Variants in RASGRF2 observed in about 807,000 individuals in gnomAD.
The protein encoded by RASGRF2 is Ras protein specific guanine nucleotide releasing factor 2.
RASGRF2 carries 76 observed loss-of-function variants against 151.0 expected under a neutral mutation model. The observed-to-expected ratio is 0.50, with a 90% CI of 0.42 to 0.61. RASGRF2 has a LOEUF of 0.61. Among genes scored for constraint, RASGRF2 ranks in the 20% least tolerant of loss-of-function variants. The pLI, the probability that RASGRF2 is intolerant of heterozygous loss-of-function variation, is 0.00. For missense variants in RASGRF2, 1,148 were observed against 1,564.6 expected (o/e 0.73, Z 4.49); for synonymous variants, 504 against 566.5 (o/e 0.89, Z 1.57).
intron 9 of RASGRF2, chr5:81,088,351 G>A (rs1340026657): frequency 6.6e-6 from 1 of 152,338 alleles, no homozygotes; most frequent in East Asian, 1.9e-4. Context: ...CTCTCCTCCA[G>A]TTAGAATGGA....
In RASGRF2 at chr5:81,217,366, C is replaced by T; in HGVS notation, c.3445C>T (p.Pro1149Ser). The change falls in exon 25 of 27, where the codon CCT becomes TCT. Residue 1149 changes from proline to serine, a missense_variant. Transcript: ENST00000265080. ...LRETLKNCNP[P>S]AVPYLGMYLT... ...CTCTTGGTCTTGCAGTTGTAACCCTCCTGCAGTTCCTTATCTTGGGATGTA... is the reference window on the plus strand; with the variant it reads ...CTCTTGGTCTTGCAGTTGTAACCCTTCTGCAGTTCCTTATCTTGGGATGTA... 2 of 1,608,420 alleles carry T rather than the reference C, an allele frequency of 1.2e-6. No homozygotes were observed. The highest frequency in any genetic ancestry group is 1.7e-6 in the Non-Finnish European group (2 of 1,178,164).
chr5:80,960,805 G>A lies in RASGRF2; in HGVS notation c.67G>A (p.Gly23Ser). Residue 23 changes from glycine to serine, a missense_variant, in exon 1 of 27, where the codon GGC becomes AGC. By Grantham distance (56) the Gly-to-Ser change is moderately conservative. Around this residue, in one of 5 missense-constraint regions of RASGRF2, gnomAD observed 221 missense variants for 271.3 expected, o/e 0.81. Coordinates refer to ENST00000265080, the MANE Select transcript of RASGRF2 (RefSeq NM_006909.3). The surrounding 1 kb of genome is among the most constrained non-coding windows in gnomAD (Gnocchi z 5.5). The part of the protein sequence containing the change: ...LYLAFLARKE[G>S]TKRGFLSKKT... ...CCTGGCCTTTCTGGCGCGCAAGGAG[G>A]GCACCAAGCGCGGCTTCCTGAGTAA... 6.2e-7 allele frequency: 1 copy of A among 1,613,488 alleles called. No individual in the cohort carries two copies. The highest frequency in any genetic ancestry group is 1.1e-5 in the South Asian group (1 of 91,026).
At chr5:81,034,804 T>TGGGGGGGGG (rs3991135) in intron 1 of RASGRF2, among the ~76,000 whole-genome samples, 1 of 89,298 alleles carries the variant, frequency 1.1e-5, no homozygotes, top group African/African-American at 4.6e-5. Context: ...TGTTGTGGGG[T>TGGGGGGGGG]GGGAGGGGGG....
At chr5:81,132,157 A>G (rs2112582344) in intron 17 of RASGRF2, among the ~76,000 whole-genome samples, 1 of 152,188 alleles carries the variant, frequency 6.6e-6, no homozygotes, top group Non-Finnish European at 1.5e-5. Flanking sequence ...TGTAAGATCG[A>G]CGAGGGCAGA....
chr5:81,198,121 A>AT (rs35550776), intron 18 of RASGRF2, among the ~76,000 whole-genome samples: 22,845 of 149,636 alleles, frequency 0.15, 1,801 homozygotes, highest in Middle Eastern at 0.18. Context: ...AAAACCTGTT[A>AT]TTTTTTTTTT....
At chr5:81,008,938 T>A (rs977768118) in intron 1 of RASGRF2, among the ~76,000 whole-genome samples, 4 of 152,264 alleles carry the variant, frequency 2.6e-5, no homozygotes, top group Non-Finnish European at 4.4e-5. Context: ...GTTGATTGTC[T>A]CAGCAAGTAG....
chr5:81,094,418 G>T (rs371404989), intron 11 of RASGRF2, 56 bp downstream of exon 11: 26 of 1,507,524 alleles, frequency 1.7e-5, no homozygotes, highest in African/African-American at 1.1e-4. Flanking sequence ...GGAGAGAGAG[G>T]CTGAGGATAA....
chr5:81,121,094 T>G (rs1753295664), intron 15 of RASGRF2, among the ~76,000 whole-genome samples: 1 of 151,210 alleles, frequency 6.6e-6, no homozygotes, highest in Admixed American at 6.6e-5. Flanking sequence ...AGTCTGAAAG[T>G]TGTGTGTGTG....
intron 26 of RASGRF2, among the ~76,000 whole-genome samples, chr5:81,220,362 G>C (rs1260932405): frequency 1.3e-5 from 2 of 152,076 alleles, no homozygotes; most frequent in African/African-American, 4.8e-5. Context: ...AATAGTTTTA[G>C]CTTCACAGAA....
At chr5:81,151,385 CTTTT>C (rs34158947) in intron 17 of RASGRF2, among the ~76,000 whole-genome samples, 1 of 134,674 alleles carries the variant, frequency 7.4e-6, no homozygotes, top group Non-Finnish European at 1.6e-5. Context: ...AAACTGGTAC[CTTTT>C]TTTTTTTTTT....
At chr5:81,154,245 G>A (rs2112625721) in intron 17 of RASGRF2, among the ~76,000 whole-genome samples, 1 of 152,286 alleles carries the variant, frequency 6.6e-6, no homozygotes, top group African/African-American at 2.4e-5. Flanking sequence ...TCCATCTGAT[G>A]AAAGTGTATA....
Position 81,219,845 on chromosome 5 carries a change from C to G in RASGRF2, c.3621+67C>G, listed in dbSNP as rs371749119. On this transcript the variant is annotated intron_variant, in intron 26 of 26. Coordinates refer to ENST00000265080, the MANE Select transcript of RASGRF2 (RefSeq NM_006909.3). ...GGGAAATTAATGAATTAGAAAACAA[C>G]AGTAAAAGTTGATCCAAAATACCAA... 3.7e-5 allele frequency: 48 copies of G among 1,293,926 alleles called. No individual in the cohort carries two copies. In the African/African-American group the frequency reaches 7.2e-4, roughly 19 times the overall value. 80.2% of individuals were successfully genotyped at this position (1,293,926 alleles called of 1,614,324 possible). A position where few individuals can be genotyped will look rare whatever the true frequency, so the allele number is the denominator to read the frequency against.
intron 5 of RASGRF2, among the ~76,000 whole-genome samples, chr5:81,076,605 G>A (rs1247524945): frequency 2.0e-5 from 3 of 150,718 alleles, no homozygotes; most frequent in East Asian, 2.0e-4. Flanking sequence ...GGGAAGTGTC[G>A]GAGTTGGAGA....
At chr5:81,149,302 A>G (rs1205309500) in intron 17 of RASGRF2, among the ~76,000 whole-genome samples, 1 of 152,252 alleles carries the variant, frequency 6.6e-6, no homozygotes, top group Non-Finnish European at 1.5e-5. Context: ...TATGCATAAA[A>G]CAGAAGACAA....
At chr5:81,111,866 G>A (rs1399437328) in intron 13 of RASGRF2, among the ~76,000 whole-genome samples, 1 of 152,174 alleles carries the variant, frequency 6.6e-6, no homozygotes, top group Non-Finnish European at 1.5e-5. Context: ...TAAAAGTCAG[G>A]AGAAAGAAAT....
intron 17 of RASGRF2, among the ~76,000 whole-genome samples, chr5:81,136,887 A>C (rs867665361): frequency 1.3e-5 from 2 of 151,662 alleles, no homozygotes; most frequent in African/African-American, 4.8e-5. Flanking sequence ...AGCTATGTTG[A>C]GTCTACCGAT....
At chr5:81,127,923 CAAAAAA>C (rs60196392) in intron 17 of RASGRF2, among the ~76,000 whole-genome samples, 1 of 64,882 alleles carries the variant, frequency 1.5e-5, no homozygotes, top group African/African-American at 6.0e-5. Context: ...GACTCCGTCT[CAAAAAA>C]AAAAAAAAAA....
At chr5:81,027,920 A>C (rs1750092468) in intron 1 of RASGRF2, among the ~76,000 whole-genome samples, 2 of 152,186 alleles carry the variant, frequency 1.3e-5, no homozygotes, top group Non-Finnish European at 2.9e-5. Context: ...AGCAACATGC[A>C]TGTGGCAGCT....
At chr5:81,165,748 A>T (rs1369830636) in intron 17 of RASGRF2, among the ~76,000 whole-genome samples, 1 of 152,120 alleles carries the variant, frequency 6.6e-6, no homozygotes, top group Non-Finnish European at 1.5e-5. Context: ...GCTTTGACTC[A>T]TCTCCAGAGG....
Sources: allele counts gnomAD v4.1 joint callset (sites outside exome capture counted in the v4.1 genomes callset), GRCh38; gene constraint gnomAD v4.1.1; regional missense constraint gnomAD v4.1.1; non-coding constraint Gnocchi (gnomAD v3.1); transcripts MANE v1.5; gene names NCBI Gene and HGNC (gene_info 2026-07-23, HGNC 2026-07-21).